Variants in PLB1 observed in about 807,000 individuals in gnomAD.
PLB1 encodes the protein phospholipase B1.
In PLB1, 242 loss-of-function variants were observed where a neutral mutation model predicts 227.4. The ratio of observed to expected loss-of-function variants is 1.06; its 90% confidence interval spans 0.96 to 1.18. The LOEUF is 1.18. Ranked by LOEUF, PLB1 falls within the 50% of genes most tolerant of loss-of-function variation. PLB1 has a pLI of 0.00. For missense variants in PLB1, 1,858 were observed against 1,816.3 expected (o/e 1.02, Z -0.42); for synonymous variants, 757 against 682.2 (o/e 1.11, Z -1.71).
intron 53 of PLB1, among the ~76,000 whole-genome samples, chr2:28,629,554 AGGAGCTATG>A (rs1688303156): frequency 6.6e-6 from 1 of 152,170 alleles, no homozygotes; most frequent in Non-Finnish European, 1.5e-5. Flanking sequence ...TCTGCCATTT[AGGAGCTATG>A]GGACCTTGAA....
At chr2:28,566,748 T>G (rs1274530170) in intron 19 of PLB1, 48 bp from the exon 20 acceptor site, 2 of 1,604,238 alleles carry the variant, frequency 1.2e-6, no homozygotes, top group South Asian at 2.2e-5. Flanking sequence ...GGTCTCGGCG[T>G]GGCTGGGATT....
At chr2:28,515,345 C>T (rs568971845) in intron 1 of PLB1, among the ~76,000 whole-genome samples, 11 of 152,166 alleles carry the variant, frequency 7.2e-5, no homozygotes, top group Non-Finnish European at 1.5e-4. Flanking sequence ...GTCTGTGCAG[C>T]CTCATCCCCC....
chr2:28,590,212 A>G (rs1487299576), intron 29 of PLB1, 136 bp downstream of exon 29: 4 of 752,596 alleles, frequency 5.3e-6, no homozygotes, highest in Non-Finnish European at 9.0e-6. Flanking sequence ...ACTGCCCCAA[A>G]TGCCCCATCT....
intron 1 of PLB1, among the ~76,000 whole-genome samples, chr2:28,509,046 A>G (rs1667943315): frequency 6.6e-6 from 1 of 152,172 alleles, no homozygotes; most frequent in South Asian, 2.1e-4. Context: ...CATGAAGAAG[A>G]CAGGGAAGCT....
intron 51 of PLB1, among the ~76,000 whole-genome samples, chr2:28,627,955 C>G (rs1688036866): frequency 1.3e-5 from 2 of 152,232 alleles, no homozygotes; most frequent in African/African-American, 4.8e-5. Context: ...CCATCTCCCT[C>G]TGCTATAAAG....
intron 10 of PLB1, 28 bp downstream of exon 10, chr2:28,538,409 A>G: frequency 6.2e-7 from 1 of 1,604,292 alleles, no homozygotes; most frequent in Non-Finnish European, 8.5e-7. Flanking sequence ...GGGCTTCCCC[A>G]AGGGCAGTGG....
At chr2:28,642,066 G>A (rs1690035349) in intron 57 of PLB1, among the ~76,000 whole-genome samples, 1 of 152,032 alleles carries the variant, frequency 6.6e-6, no homozygotes, top group Non-Finnish European at 1.5e-5. Context: ...GAGAACATCC[G>A]CCTCCCTCCA....
At position 28,565,299 on chromosome 2, in the gene PLB1, C is replaced by T. The variant is rs1676696710; in HGVS notation, c.1226C>T (p.Ser409Phe). The change falls in exon 19 of 58, where the codon TCC (serine) becomes TTC (phenylalanine). Residue 409 changes from serine (S) to phenylalanine (F), a missense_variant. Ser to Phe is a radical substitution (Grantham distance 155, BLOSUM62 -2). Transcript: ENST00000327757. ...TCTCAGGCAGGCAATGGGGCCGGGT[C>T]CACACCTGGGAACGTCTTGGACGTC... ...DSLTAGNGAG[S>F]TPGNVLDVLT... 1 of 1,612,118 alleles carries T rather than the reference C, an allele frequency of 6.2e-7. No individual in the cohort carries two copies.
chr2:28,607,064 A>AG (rs1313055201), intron 43 of PLB1, among the ~76,000 whole-genome samples: 2 of 152,124 alleles, frequency 1.3e-5, no homozygotes, highest in African/African-American at 2.4e-5. Context: ...AGCTGTATGG[A>AG]GGAGGGACGA....
At chr2:28,535,792 A>G (rs1440555470) in intron 9 of PLB1, among the ~76,000 whole-genome samples, 2 of 152,054 alleles carry the variant, frequency 1.3e-5, no homozygotes, top group African/African-American at 2.4e-5. Context: ...GTGGTGGTGC[A>G]TGCCTGTAGT....
At chr2:28,624,852 G>C (rs1687527305) in intron 49 of PLB1, among the ~76,000 whole-genome samples, 1 of 152,090 alleles carries the variant, frequency 6.6e-6, no homozygotes, top group African/African-American at 2.4e-5. Flanking sequence ...GAGACTATTG[G>C]GTGGCAGGGG....
At chr2:28,578,929 G>T (rs1041866655) in intron 22 of PLB1, among the ~76,000 whole-genome samples, 3 of 151,782 alleles carry the variant, frequency 2.0e-5, no homozygotes, top group African/African-American at 7.3e-5. Context: ...TAGGCCTGGG[G>T]CAATATAAGA....
intron 17 of PLB1, among the ~76,000 whole-genome samples, chr2:28,556,196 A>AT (rs1675090929): frequency 6.6e-6 from 1 of 152,034 alleles, no homozygotes; most frequent in South Asian, 2.1e-4. Context: ...TTATAGTCTC[A>AT]TTTTCTAGTG....
At chr2:28,640,099 G>A (rs928569778) in intron 56 of PLB1, among the ~76,000 whole-genome samples, 2 of 152,200 alleles carry the variant, frequency 1.3e-5, no homozygotes, top group African/African-American at 4.8e-5. Flanking sequence ...GCCAGGTGTG[G>A]TCATGAGCTC....
intron 46 of PLB1, among the ~76,000 whole-genome samples, chr2:28,619,548 G>GTTTTCTT: frequency 6.8e-6 from 1 of 147,592 alleles, no homozygotes. Flanking sequence ...TTTTAAGACA[G>GTTTTCTT]GGCATTTAGA....
chr2:28,540,917 T>A (rs1399529577), intron 12 of PLB1, among the ~76,000 whole-genome samples: 1 of 152,176 alleles, frequency 6.6e-6, no homozygotes, highest in East Asian at 1.9e-4. Context: ...ACACCTGTAA[T>A]CCCAGTATTT....
At chr2:28,542,807 G>T (rs1313329143) in intron 13 of PLB1, among the ~76,000 whole-genome samples, 1 of 152,208 alleles carries the variant, frequency 6.6e-6, no homozygotes, top group Non-Finnish European at 1.5e-5. Context: ...CTGCCTGTTG[G>T]AATCCTTGTG....
At chr2:28,547,127 G>A (rs1283904226) in intron 14 of PLB1, among the ~76,000 whole-genome samples, 2 of 149,412 alleles carry the variant, frequency 1.3e-5, no homozygotes, top group Non-Finnish European at 3.0e-5. Context: ...CCGGAGCTCA[G>A]GAAGTCAAGG....
intron 12 of PLB1, among the ~76,000 whole-genome samples, chr2:28,540,939 G>C (rs1672392694): frequency 1.3e-5 from 2 of 152,286 alleles, no homozygotes; most frequent in South Asian, 4.1e-4. Flanking sequence ...GGGAGGCTGA[G>C]GTGGGCAGAT....
Sources: gnomAD v4.1 joint callset for allele counts (sites outside exome capture counted in the v4.1 genomes callset) on GRCh38, gnomAD v4.1.1 for gene constraint, MANE v1.5 for transcripts, NCBI Gene and HGNC (gene_info 2026-07-23, HGNC 2026-07-21) for gene names.